THSD7A: variants seen among roughly 807,000 people sequenced by gnomAD.
The protein encoded by THSD7A is thrombospondin type 1 domain containing 7A.
THSD7A carries 96 observed loss-of-function variants against 231.3 expected under a neutral mutation model. That is an observed-to-expected ratio of 0.41 (90% confidence interval 0.35 to 0.49). The LOEUF (loss-of-function observed/expected upper bound fraction) is 0.49. Among genes scored for constraint, THSD7A ranks in the 20% least tolerant of loss-of-function variants. THSD7A has a pLI of 0.05. For missense variants in THSD7A, 2,290 were observed against 2,070.2 expected (o/e 1.11, Z -2.06); for synonymous variants, 940 against 743.3 (o/e 1.26, Z -4.30).
chr7:11,389,943 C>T (rs1021679268), intron 23 of THSD7A, among the ~76,000 whole-genome samples: 4 of 152,146 alleles, frequency 2.6e-5, no homozygotes, highest in Non-Finnish European at 5.9e-5. Context: ...TATGGGCCCC[C>T]ACTCTCTTCT....
At chr7:11,701,855 C>T (rs1319014382) in intron 1 of THSD7A, among the ~76,000 whole-genome samples, 1 of 151,160 alleles carries the variant, frequency 6.6e-6, no homozygotes, top group Non-Finnish European at 1.5e-5. Flanking sequence ...TCACAAAATC[C>T]AGCTTCTCAA....
intron 25 of THSD7A, 45 bp downstream of exon 25, chr7:11,379,585 C>A: frequency 6.7e-7 from 1 of 1,498,588 alleles, no homozygotes; most frequent in Non-Finnish European, 9.1e-7. Context: ...AGTGGGGTGA[C>A]ACATGATGGA....
Position 11,382,747 on chromosome 7 carries a change from G to A in THSD7A, c.4412-131C>T, listed in dbSNP as rs1335717962. 5 of 757,960 alleles carry A rather than the reference G, an allele frequency of 6.6e-6. No homozygotes were observed. In the Admixed American group the frequency reaches 6.7e-5, roughly 10 times the overall value. The allele number at this position is 757,960 out of a possible 1,614,324, so 47.0% of individuals were successfully genotyped here. ...CTGATGATTCAAATGTCAATTTATT[G>A]TCCTGAAGTTGCCATGCATATGTTT... On this transcript the variant is annotated intron_variant, in intron 23 of 27. Coordinates refer to ENST00000423059, the MANE Select transcript of THSD7A (RefSeq NM_015204.3).
chr7:11,589,909 A>G (rs1334845224), intron 4 of THSD7A, among the ~76,000 whole-genome samples: 8 of 152,158 alleles, frequency 5.3e-5, no homozygotes, highest in African/African-American at 1.9e-4. Context: ...GATTTAATTA[A>G]AAAAAGATTT....
At chr7:11,689,701 A>G (rs538723679) in intron 1 of THSD7A, among the ~76,000 whole-genome samples, 1 of 151,786 alleles carries the variant, frequency 6.6e-6, no homozygotes, top group East Asian at 2.0e-4. Flanking sequence ...ATGATTTCAA[A>G]AAATATAAGA....
At chr7:11,602,201 A>G (rs1780575351) in intron 2 of THSD7A, among the ~76,000 whole-genome samples, 1 of 152,164 alleles carries the variant, frequency 6.6e-6, no homozygotes, top group South Asian at 2.1e-4. Flanking sequence ...TTTTCAACAC[A>G]GGTATTAAAT....
intron 9 of THSD7A, among the ~76,000 whole-genome samples, chr7:11,463,095 AGACTACAG>A (rs1273967419): frequency 2.0e-5 from 3 of 152,218 alleles, no homozygotes; most frequent in Non-Finnish European, 4.4e-5. Flanking sequence ...TTTCATACAT[AGACTACAG>A]GAACAGAAAT....
chr7:11,474,988 GA>G lies in THSD7A; in HGVS notation c.2018-421del, dbSNP rs1325003728. Among the ~76,000 whole-genome samples, 2 of 152,104 alleles carry G rather than the reference GA, an allele frequency of 1.3e-5. No individual in the cohort carries two copies. The highest frequency in any genetic ancestry group is 1.3e-4 in the Admixed American group (2 of 15,246). ...AGGATTTCAATAAGCAGAATTCTGG[GA>G]AGGGACAGAAGGAAAAGAGAATAGT... On this transcript the variant is annotated intron_variant, in intron 7 of 27. Transcript: ENST00000423059. The surrounding 1 kb of genome is among the most constrained non-coding windows in gnomAD (Gnocchi z 4.1).
intron 1 of THSD7A, among the ~76,000 whole-genome samples, chr7:11,673,503 C>T (rs1316585551): frequency 2.0e-5 from 3 of 152,130 alleles, no homozygotes; most frequent in African/African-American, 7.2e-5. Context: ...TGTTCTTGTG[C>T]CCATCACCAA....
intron 1 of THSD7A, among the ~76,000 whole-genome samples, chr7:11,652,692 C>T (rs1029129210): frequency 2.6e-5 from 4 of 151,842 alleles, no homozygotes; most frequent in African/African-American, 4.8e-5. Context: ...TATAAATATA[C>T]TTTTAAAATA....
At chr7:11,805,553 T>C (rs1417752668) in intron 1 of THSD7A, among the ~76,000 whole-genome samples, 1 of 152,138 alleles carries the variant, frequency 6.6e-6, no homozygotes, top group Non-Finnish European at 1.5e-5. Flanking sequence ...TTCACACTTC[T>C]CTAAAGCTTC....
Position 11,411,434 on chromosome 7 carries a change from A to C in THSD7A, c.3683-112T>G, listed in dbSNP as rs1783783735. On this transcript the variant is annotated intron_variant, in intron 18 of 27. Transcript: ENST00000423059. The surrounding 1 kb of genome is among the most constrained non-coding windows in gnomAD (Gnocchi z 4.1). ...AATTCACAACTGCTTCCTAAGCCCC[A>C]TAATCAATCATCCCCCATGCAGAGC... The C allele has an allele frequency of 2.9e-6, 2 of 693,340 alleles. No individual in the cohort carries two copies. The highest frequency in any genetic ancestry group is 5.3e-5 in the East Asian group (2 of 37,404). The allele number at this position is 693,340 out of a possible 1,614,324, so 42.9% of individuals were successfully genotyped here.
chr7:11,524,941 A>C (rs1322946201), intron 6 of THSD7A, among the ~76,000 whole-genome samples: 1 of 152,254 alleles, frequency 6.6e-6, no homozygotes, highest in Non-Finnish European at 1.5e-5. Context: ...TTTTCAAAAG[A>C]AACAGCAGGG....
At chr7:11,746,450 C>T (rs181119544) in intron 1 of THSD7A, among the ~76,000 whole-genome samples, 15 of 151,800 alleles carry the variant, frequency 9.9e-5, no homozygotes, top group Non-Finnish European at 2.9e-5. Context: ...TGTCATATTT[C>T]TTTAGGATAA....
chr7:11,568,326 T>C (rs1205615788), intron 4 of THSD7A, among the ~76,000 whole-genome samples: 5 of 152,106 alleles, frequency 3.3e-5, no homozygotes, highest in Non-Finnish European at 7.4e-5. Context: ...ACTGAGTATT[T>C]TCAAATATCA....
intron 3 of THSD7A, among the ~76,000 whole-genome samples, chr7:11,591,712 A>G (rs1780172407): frequency 6.6e-6 from 1 of 152,202 alleles, no homozygotes. Context: ...AACACCTGAC[A>G]TTAATTTATA....
chr7:11,577,933 A>C (rs1359525559), intron 4 of THSD7A, among the ~76,000 whole-genome samples: 1 of 152,196 alleles, frequency 6.6e-6, no homozygotes, highest in Non-Finnish European at 1.5e-5. Context: ...GACTACCATA[A>C]CTATAGAAGT....
In THSD7A at chr7:11,668,467, G is replaced by GA. The variant is rs1195751882; in HGVS notation, c.191-31507dup. ...AGAAAGAGAGAGAGAGAGAAAGAAAGAAAAAAAGAAAGACAGAAAGAAAGA... is the reference window on the plus strand; with the variant it reads ...AGAAAGAGAGAGAGAGAGAAAGAAAGAAAAAAAAGAAAGACAGAAAGAAAGA... On this transcript the variant is annotated intron_variant, in intron 1 of 27. Transcript: ENST00000423059. Among the ~76,000 whole-genome samples the GA allele has an allele frequency of 9.9e-5, 3 of 30,342 alleles. No individual in the cohort carries two copies. In the East Asian group the frequency reaches 1.9e-3, roughly 20 times the overall value. 19.9% of individuals were successfully genotyped at this position (30,342 alleles called of 152,430 possible). A position where few individuals can be genotyped will look rare whatever the true frequency, so the allele number is the denominator to read the frequency against.
intron 26 of THSD7A, chr7:11,376,878 T>G: frequency 2.7e-6 from 1 of 367,924 alleles, no homozygotes; most frequent in Non-Finnish European, 4.9e-6. Flanking sequence ...TGAAAAATTA[T>G]AAATGTTTGA....
Sources: allele counts gnomAD v4.1 joint callset (sites outside exome capture counted in the v4.1 genomes callset), GRCh38; gene constraint gnomAD v4.1.1; non-coding constraint Gnocchi (gnomAD v3.1); transcripts MANE v1.5; gene names NCBI Gene and HGNC (gene_info 2026-07-23, HGNC 2026-07-21).